ZNF423: variants seen among roughly 807,000 people sequenced by gnomAD.
ZNF423 encodes the protein zinc finger protein 423, also known as Ebf-associated zinc finger protein.
ZNF423 carries 12 observed loss-of-function variants against 95.8 expected under a neutral mutation model. That is an observed-to-expected ratio of 0.13 (90% CI 0.08 to 0.20). The LOEUF is 0.20. ZNF423 is among the 10% of genes least tolerant of loss of function. The pLI is 1.00. For synonymous variants in ZNF423, 749 were observed against 711.9 expected (o/e 1.05, Z -0.83); for missense variants, 1,316 against 1,737.1 (o/e 0.76, Z 4.31).
At chr16:49,586,557 G>A (rs1970843953) in intron 5 of ZNF423, among the ~76,000 whole-genome samples, 1 of 152,230 alleles carries the variant, frequency 6.6e-6, no homozygotes. Context: ...CTGCACGAGG[G>A]AAATTAGAGC....
intron 3 of ZNF423, among the ~76,000 whole-genome samples, chr16:49,701,347 C>A (rs563920602): frequency 6.6e-6 from 1 of 152,284 alleles, no homozygotes; most frequent in East Asian, 1.9e-4. Context: ...AGCAGCCAGC[C>A]TTGATATTTC....
intron 3 of ZNF423, among the ~76,000 whole-genome samples, chr16:49,722,240 C>A (rs1235057878): frequency 2.0e-5 from 3 of 152,208 alleles, no homozygotes; most frequent in Non-Finnish European, 4.4e-5. Flanking sequence ...ACCAGCCAAG[C>A]AGACCCAGGC....
At chr16:49,529,598 G>A (rs1357808626) in intron 5 of ZNF423, among the ~76,000 whole-genome samples, 2 of 152,034 alleles carry the variant, frequency 1.3e-5, no homozygotes, top group South Asian at 2.1e-4. Context: ...CCCTGGTACC[G>A]ACTTTTGTCT....
chr16:49,554,225 C>A (rs916392911), intron 5 of ZNF423, among the ~76,000 whole-genome samples: 1 of 152,172 alleles, frequency 6.6e-6, no homozygotes, highest in Non-Finnish European at 1.5e-5. Context: ...TTGAAGCATG[C>A]CTAAGGACTT....
chr16:49,756,734 G>A (rs193196126), intron 2 of ZNF423, among the ~76,000 whole-genome samples: 2 of 152,268 alleles, frequency 1.3e-5, no homozygotes, highest in African/African-American at 2.4e-5. Flanking sequence ...CAGGGCACAC[G>A]GGCAAAAAGG....
At chr16:49,511,049 C>A (rs1024387574) in intron 7 of ZNF423, among the ~76,000 whole-genome samples, 6 of 152,212 alleles carry the variant, frequency 3.9e-5, no homozygotes, top group Non-Finnish European at 5.9e-5. Context: ...GGAGGCCCCC[C>A]AGTCCCCACC....
chr16:49,737,977 A>G (rs527307565), intron 2 of ZNF423, among the ~76,000 whole-genome samples: 1 of 152,342 alleles, frequency 6.6e-6, no homozygotes, highest in East Asian at 1.9e-4. Context: ...CACATGGCTG[A>G]GTATCCACAA....
At chr16:49,496,652 G>T (rs1308826744) in intron 7 of ZNF423, among the ~76,000 whole-genome samples, 1 of 152,208 alleles carries the variant, frequency 6.6e-6, no homozygotes, top group Non-Finnish European at 1.5e-5. Flanking sequence ...ACACAAAACA[G>T]ACTAATACAG....
At chr16:49,631,089 C>A (rs1427041511) in intron 4 of ZNF423, among the ~76,000 whole-genome samples, 3 of 152,166 alleles carry the variant, frequency 2.0e-5, no homozygotes, top group Non-Finnish European at 4.4e-5. Flanking sequence ...GGGCCATCCA[C>A]ATGGGTGAAC....
chr16:49,834,570 G>T (rs1414836231), intron 1 of ZNF423, among the ~76,000 whole-genome samples: 1 of 152,132 alleles, frequency 6.6e-6, no homozygotes, highest in Non-Finnish European at 1.5e-5. Flanking sequence ...CAAGGAGGCG[G>T]TGGTAGGAGG....
chr16:49,504,905 G>T (rs999820546), intron 7 of ZNF423, among the ~76,000 whole-genome samples: 6 of 152,202 alleles, frequency 3.9e-5, no homozygotes, highest in African/African-American at 1.4e-4. Flanking sequence ...CTATGGAAAG[G>T]CCTCACCTGC....
chr16:49,627,702 CCCAT>C (rs370522546), intron 4 of ZNF423, among the ~76,000 whole-genome samples: 75 of 150,968 alleles, frequency 5.0e-4, no homozygotes, highest in Admixed American at 1.8e-3. Flanking sequence ...CCTCCATCTA[CCCAT>C]CCATCCATCC....
chr16:49,501,084 C>T (rs999658161), intron 7 of ZNF423, among the ~76,000 whole-genome samples: 13 of 152,234 alleles, frequency 8.5e-5, no homozygotes, highest in South Asian at 2.1e-4. Context: ...TGAAAAAGAG[C>T]GGGTGAATTC....
intron 5 of ZNF423, among the ~76,000 whole-genome samples, chr16:49,614,454 C>T (rs1259698631): frequency 6.6e-6 from 1 of 152,108 alleles, no homozygotes. Flanking sequence ...GGGAATTTAC[C>T]CCCAAAATAA....
At position 49,597,938 on chromosome 16, in the gene ZNF423, C is replaced by A. The variant is rs138359756; in HGVS notation, c.3601+28232G>T. Among the ~76,000 whole-genome samples, 68 of 152,306 alleles carry A rather than the reference C, an allele frequency of 4.5e-4. No homozygotes were observed. The East Asian group carries it at 0.013, about 29-fold the overall frequency. On this transcript the variant is annotated intron_variant, in intron 5 of 7. Coordinates refer to ENST00000563137, the MANE Select transcript of ZNF423 (RefSeq NM_001379286.1). ...ATTTGGTAATCACAGCTACCTTCCC[C>A]GCATCCTCTCCTAAACCCAAACATA...
chr16:49,536,047 G>T (rs1969044555), intron 5 of ZNF423, among the ~76,000 whole-genome samples: 1 of 152,102 alleles, frequency 6.6e-6, no homozygotes, highest in South Asian at 2.1e-4. Context: ...TCCCCACCAA[G>T]ATCATTTTTT....
intron 2 of ZNF423, among the ~76,000 whole-genome samples, chr16:49,743,935 G>A (rs983676886): frequency 5.3e-5 from 8 of 152,242 alleles, no homozygotes; most frequent in African/African-American, 1.7e-4. Flanking sequence ...TGGCTTTCCC[G>A]TGCTATCCCA....
Position 49,789,487 on chromosome 16 carries a change from C to A in ZNF423, c.100G>T (p.Gly34Ter), listed in dbSNP as rs1555486203. ...LAWDSSVTAA[G>*]GLEGEPECDQ... Reference sequence around the variant, plus strand: ...CTTCCACCAGCCCCCGGGCATTTACCTGCTGCTGTCACGGAGGAATCCCAG... The same window carrying A: ...CTTCCACCAGCCCCCGGGCATTTACATGCTGCTGTCACGGAGGAATCCCAG... The change falls in exon 2 of 8, where the codon GGA becomes TGA. Residue 34 changes from glycine (G) to a stop codon, truncating the protein, a stop_gained and splice_region_variant. Coordinates refer to ENST00000563137, the MANE Select transcript of ZNF423 (RefSeq NM_001379286.1). LOFTEE classifies it high-confidence loss of function. The A allele has an allele frequency of 6.2e-7, 1 of 1,612,396 alleles. No individual in the cohort carries two copies. The highest frequency in any genetic ancestry group is 8.5e-7 in the Non-Finnish European group (1 of 1,179,518).
At chr16:49,788,147 G>A (rs779248296) in intron 2 of ZNF423, among the ~76,000 whole-genome samples, 1 of 152,146 alleles carries the variant, frequency 6.6e-6, no homozygotes, top group Non-Finnish European at 1.5e-5. Flanking sequence ...TTCAGACAAG[G>A]CCCCTCTCTA....
Sources: allele counts gnomAD v4.1 joint callset (sites outside exome capture counted in the v4.1 genomes callset), GRCh38; gene constraint gnomAD v4.1.1; transcripts MANE v1.5; gene names NCBI Gene and HGNC (gene_info 2026-07-23, HGNC 2026-07-21).